The following SLC1A3 variants were observed in gnomAD, a reference collection of about 807,000 sequenced individuals.
The protein encoded by SLC1A3 is solute carrier family 1 member 3.
Under a neutral mutation model 48.1 loss-of-function variants are expected in SLC1A3, and 21 were observed. The ratio of observed to expected loss-of-function variants is 0.44; its 90% CI spans 0.31 to 0.63. The LOEUF is 0.63. Ranked by LOEUF, SLC1A3 falls within the 20% of genes least tolerant of loss-of-function variation. The pLI is 0.08. For missense variants in SLC1A3, 546 were observed against 689.0 expected, an observed-to-expected ratio of 0.79 and a Z score of 2.32; for synonymous variants, 239 against 251.4, an observed-to-expected ratio of 0.95 and a Z score of 0.47.
intron 2 of SLC1A3, among the ~76,000 whole-genome samples, chr5:36,610,898 A>C (rs1739166698): frequency 1.3e-5 from 2 of 152,250 alleles, no homozygotes; most frequent in South Asian, 4.1e-4. Context: ...AAAGAAACAC[A>C]TAAAAAGAGC....
chr5:36,658,371 G>A (rs988063785), intron 3 of SLC1A3, among the ~76,000 whole-genome samples: 1 of 152,186 alleles, frequency 6.6e-6, no homozygotes, highest in Non-Finnish European at 1.5e-5. Context: ...GTTTGGGCCA[G>A]AGCGTGAGGA....
chr5:36,685,094 T>C (rs1742591289), intron 9 of SLC1A3, among the ~76,000 whole-genome samples: 2 of 152,228 alleles, frequency 1.3e-5, no homozygotes, highest in Admixed American at 6.5e-5. Context: ...ATTTATCATA[T>C]TAGACACACT....
chr5:36,680,267 T>C, intron 7 of SLC1A3, 128 bp from the exon 8 acceptor site: 1 of 797,122 alleles, frequency 1.3e-6, no homozygotes, highest in South Asian at 1.5e-5. Context: ...ATTTATACAA[T>C]TGCTGACTTA....
intron 4 of SLC1A3, among the ~76,000 whole-genome samples, chr5:36,672,444 C>T (rs1742035956): frequency 6.6e-6 from 1 of 152,216 alleles, no homozygotes; most frequent in Middle Eastern, 3.2e-3. Context: ...TTTAGTCCCT[C>T]CCAGCCTGTC....
Position 36,608,744 on chromosome 5 carries a change from C to G in SLC1A3, c.181+140C>G, listed in dbSNP as rs960981089. Reference sequence around the variant, plus strand: ...CTTTCCTCTGAACTTGATGATTTTTCTCCATAAAAATGACTGTTTTGGCTT... The same window carrying G: ...CTTTCCTCTGAACTTGATGATTTTTGTCCATAAAAATGACTGTTTTGGCTT... On this transcript the variant is annotated intron_variant, in intron 2 of 9. Coordinates refer to ENST00000265113, the MANE Select transcript of SLC1A3 (RefSeq NM_004172.5). 4 of 1,475,556 alleles carry G rather than the reference C, an allele frequency of 2.7e-6. No individual in the cohort carries two copies. The African/African-American group carries it at 5.7e-5, about 21-fold the overall frequency. 91.4% of individuals were successfully genotyped at this position (1,475,556 alleles called of 1,614,324 possible). A position where few individuals can be genotyped will look rare whatever the true frequency, so the allele number is the denominator to read the frequency against.
chr5:36,614,915 C>G (rs1266422073), intron 2 of SLC1A3, among the ~76,000 whole-genome samples: 1 of 152,124 alleles, frequency 6.6e-6, no homozygotes, highest in Non-Finnish European at 1.5e-5. Context: ...CTATTTTGCT[C>G]TTTTTCTTCT....
intron 3 of SLC1A3, among the ~76,000 whole-genome samples, chr5:36,631,523 A>G (rs1740133336): frequency 6.6e-6 from 1 of 152,200 alleles, no homozygotes; most frequent in Non-Finnish European, 1.5e-5. Flanking sequence ...TGTTAAAGAG[A>G]AAAGAATTAT....
chr5:36,674,052 C>A lies in SLC1A3; in HGVS notation c.528C>A (p.Asn176Lys). 3 of 1,613,062 alleles carry A rather than the reference C, an allele frequency of 1.9e-6. No individual in the cohort carries two copies. The highest frequency in any genetic ancestry group is 2.5e-6 in the Non-Finnish European group (3 of 1,179,128). The change falls in exon 5 of 10, where the codon AAC becomes AAA. Residue 176 changes from asparagine (N) to lysine (K), a missense_variant. Asn to Lys is a moderately conservative substitution (Grantham distance 94). Transcript: ENST00000265113. ...GTGACTATTACTTTCTTTGCAGGAACATGTTCCCTCCAAATCTGGTAGAAG... is the reference window on the plus strand; with the variant it reads ...GTGACTATTACTTTCTTTGCAGGAAAATGTTCCCTCCAAATCTGGTAGAAG... ...AADAFLDLIR[N>K]MFPPNLVEAC...
At chr5:36,609,014 C>G (rs1739083348) in intron 2 of SLC1A3, 1 of 996,790 alleles carries the variant, frequency 1.0e-6, no homozygotes, top group African/African-American at 1.7e-5. Context: ...CATGTTGGTT[C>G]CAAATAGTAA....
intron 3 of SLC1A3, among the ~76,000 whole-genome samples, chr5:36,653,172 T>A (rs768755908): frequency 1.3e-5 from 2 of 152,322 alleles, no homozygotes; most frequent in Admixed American, 6.5e-5. Flanking sequence ...GGAAACTGCA[T>A]CCCCTGCCAT....
chr5:36,617,028 G>C (rs900322320), intron 2 of SLC1A3, among the ~76,000 whole-genome samples: 1 of 152,166 alleles, frequency 6.6e-6, no homozygotes, highest in Admixed American at 6.5e-5. Flanking sequence ...TCCACGAGAC[G>C]ATGGGTGACG....
chr5:36,651,986 C>T (rs1413430783), intron 3 of SLC1A3, among the ~76,000 whole-genome samples: 1 of 152,100 alleles, frequency 6.6e-6, no homozygotes, highest in African/African-American at 2.4e-5. Flanking sequence ...AAACCAACAC[C>T]GGACTCTTGA....
chr5:36,610,075 A>G (rs1375511959), intron 2 of SLC1A3, among the ~76,000 whole-genome samples: 1 of 152,206 alleles, frequency 6.6e-6, no homozygotes, highest in East Asian at 1.9e-4. Flanking sequence ...CATTTTGTAG[A>G]TGAAACTGAC....
At chr5:36,659,782 G>A (rs1414386399) in intron 3 of SLC1A3, among the ~76,000 whole-genome samples, 1 of 152,142 alleles carries the variant, frequency 6.6e-6, no homozygotes, top group Non-Finnish European at 1.5e-5. Context: ...TAATGTTTAT[G>A]TCCTTTGCCA....
intron 3 of SLC1A3, among the ~76,000 whole-genome samples, chr5:36,658,903 G>A (rs1741392692): frequency 6.6e-6 from 1 of 152,074 alleles, no homozygotes; most frequent in Non-Finnish European, 1.5e-5. Context: ...CCAGTTCAAT[G>A]AGAGATGTCA....
rs531689585 is a variant in SLC1A3, at chr5:36,615,487, GCC to G, written c.181+6887_181+6888del. On this transcript the variant is annotated intron_variant, in intron 2 of 9. Transcript: ENST00000265113. ...GCTGGTCTCTCCAGTCTAACAAATA[GCC>G]CCCTTCTCTCCCTTTGACCTCTTGA... 1.3e-3 allele frequency among the ~76,000 whole-genome samples: 192 copies of G among 152,194 alleles called. 1 individual carries two copies. The highest frequency in any genetic ancestry group is 7.9e-3 in the Admixed American group (121 of 15,288).
chr5:36,606,481 T>G (rs981897685), upstream of SLC1A3: 1 of 152,282 alleles, frequency 6.6e-6, no homozygotes, highest in Non-Finnish European at 1.5e-5. Flanking sequence ...CCAAGATTAA[T>G]CAATATTCCA....
At chr5:36,650,684 A>C (rs150577956) in intron 3 of SLC1A3, among the ~76,000 whole-genome samples, 1 of 152,272 alleles carries the variant, frequency 6.6e-6, no homozygotes, top group East Asian at 1.9e-4. Flanking sequence ...GTTTTCAGTC[A>C]TGAGAGATAG....
chr5:36,673,713 T>G (rs1188794177), intron 4 of SLC1A3, among the ~76,000 whole-genome samples: 1 of 152,200 alleles, frequency 6.6e-6, no homozygotes, highest in Non-Finnish European at 1.5e-5. Flanking sequence ...AATACCTTAG[T>G]TAGCCAGAAA....
Sources: gnomAD v4.1 joint callset for allele counts (sites outside exome capture counted in the v4.1 genomes callset) on GRCh38, gnomAD v4.1.1 for gene constraint, MANE v1.5 for transcripts, NCBI Gene and HGNC (gene_info 2026-07-23, HGNC 2026-07-21) for gene names.